MITF: variants seen among roughly 807,000 people sequenced by gnomAD.
The protein encoded by MITF is microphthalmia-associated transcription factor.
In MITF, 17 loss-of-function variants were observed where a neutral mutation model predicts 60.5. The observed-to-expected ratio is 0.28, with a 90% CI of 0.19 to 0.42. The LOEUF is 0.42. MITF is among the 10% of genes least tolerant of loss of function. MITF has a pLI of 1.00. For synonymous variants in MITF, 260 were observed against 248.5 expected (o/e 1.05, Z -0.43); for missense variants, 622 against 683.5 (o/e 0.91, Z 1.00).
At chr3:69,836,248 A>G (rs2063538936) in intron 1 of MITF, among the ~76,000 whole-genome samples, 2 of 152,148 alleles carry the variant, frequency 1.3e-5, no homozygotes, top group Admixed American at 6.5e-5. Flanking sequence ...AAATGGAATT[A>G]TCTTCTTGAT....
At chr3:69,847,312 G>A (rs573534605) in intron 1 of MITF, among the ~76,000 whole-genome samples, 2 of 152,214 alleles carry the variant, frequency 1.3e-5, no homozygotes, top group Non-Finnish European at 2.9e-5. Flanking sequence ...TCGGAAGACA[G>A]TGTTGGAGTC....
chr3:69,775,455 A>C (rs1005742448), intron 1 of MITF, among the ~76,000 whole-genome samples: 1 of 152,190 alleles, frequency 6.6e-6, no homozygotes, highest in Non-Finnish European at 1.5e-5. Flanking sequence ...AACATCACCA[A>C]GTCTGTGGCC....
At chr3:69,949,250 C>A in intron 6 of MITF, 82 bp downstream of exon 6, 1 of 1,024,344 alleles carries the variant, frequency 9.8e-7, no homozygotes. Flanking sequence ...TAGTGATGTG[C>A]AAACTATATC....
intron 2 of MITF, among the ~76,000 whole-genome samples, chr3:69,905,769 A>G (rs552090994): frequency 1.5e-4 from 23 of 152,066 alleles, no homozygotes; most frequent in Non-Finnish European, 3.1e-4. Context: ...GCATCTTCTC[A>G]TGGGCTTATT....
intron 1 of MITF, among the ~76,000 whole-genome samples, chr3:69,852,223 A>T (rs1251387441): frequency 6.6e-6 from 1 of 152,190 alleles, no homozygotes; most frequent in African/African-American, 2.4e-5. Context: ...TTCCCACAGA[A>T]AAGTATACAC....
At chr3:69,880,509 A>G (rs1365688114) in intron 2 of MITF, among the ~76,000 whole-genome samples, 1 of 152,166 alleles carries the variant, frequency 6.6e-6, no homozygotes. Flanking sequence ...CAAATAGTTT[A>G]GCATAAAGTT....
chr3:69,794,344 G>A (rs745607650), intron 1 of MITF, among the ~76,000 whole-genome samples: 17 of 152,202 alleles, frequency 1.1e-4, no homozygotes, highest in Non-Finnish European at 1.8e-4. Flanking sequence ...CCCTTCATCA[G>A]AAATGTGACC....
chr3:69,820,939 G>C (rs780662127), intron 1 of MITF, among the ~76,000 whole-genome samples: 1 of 152,106 alleles, frequency 6.6e-6, no homozygotes, highest in South Asian at 2.1e-4. Flanking sequence ...GTATGTGTCT[G>C]TGTGTGTGTT....
chr3:69,916,354 T>G (rs2065334509), intron 2 of MITF, among the ~76,000 whole-genome samples: 1 of 152,166 alleles, frequency 6.6e-6, no homozygotes, highest in Non-Finnish European at 1.5e-5. Flanking sequence ...CATCTAAAGC[T>G]TTGGCATCTG....
At chr3:69,754,736 T>C (rs1339664650) in intron 1 of MITF, among the ~76,000 whole-genome samples, 1 of 152,008 alleles carries the variant, frequency 6.6e-6, no homozygotes, top group Non-Finnish European at 1.5e-5. Flanking sequence ...TAATATGATC[T>C]AAGTGATAGG....
intron 5 of MITF, among the ~76,000 whole-genome samples, chr3:69,944,184 A>G (rs2066037769): frequency 6.6e-6 from 1 of 152,144 alleles, no homozygotes; most frequent in Non-Finnish European, 1.5e-5. Context: ...TTCCTTCATT[A>G]TCTCGTTGTT....
At chr3:69,953,647 G>A (rs370707639) in intron 7 of MITF, among the ~76,000 whole-genome samples, 3,534 of 140,672 alleles carry the variant, frequency 0.025, 124 homozygotes, top group African/African-American at 0.078. Context: ...ATATATGTAT[G>A]TATATATATA....
chr3:69,759,899 T>G (rs2062186300), intron 1 of MITF, among the ~76,000 whole-genome samples: 1 of 152,128 alleles, frequency 6.6e-6, no homozygotes, highest in Non-Finnish European at 1.5e-5. Context: ...TGCCTCAGCC[T>G]CCCAAGTAGC....
intron 2 of MITF, among the ~76,000 whole-genome samples, chr3:69,908,761 G>A (rs1207613800): frequency 2.0e-5 from 3 of 152,118 alleles, no homozygotes; most frequent in Non-Finnish European, 4.4e-5. Flanking sequence ...TTCCACTTAG[G>A]ATTTTTGTTC....
intron 1 of MITF, among the ~76,000 whole-genome samples, chr3:69,841,865 G>C (rs1404835600): frequency 6.6e-6 from 1 of 152,026 alleles, no homozygotes; most frequent in Non-Finnish European, 1.5e-5. Context: ...AAGACTGAAA[G>C]GAAAAATATC....
rs1028159159 is a variant in MITF, at chr3:69,936,739, A to G, written c.355-1083A>G. ...AACATTGTTATGCTGGAAATGCTAG[A>G]ATATAATCACTATCAGGTGAGATTT... is the stretch of plus-strand genomic sequence containing the variant. On this transcript the variant is annotated intron_variant, in intron 2 of 9. Coordinates refer to ENST00000352241, the MANE Select transcript of MITF (RefSeq NM_001354604.2). The G allele has an allele frequency of 1.1e-5, 17 of 1,613,670 alleles. No homozygotes were observed. The highest frequency in any genetic ancestry group is 1.3e-5 in the Non-Finnish European group (15 of 1,179,722).
intron 1 of MITF, among the ~76,000 whole-genome samples, chr3:69,740,305 A>G (rs891647576): frequency 3.3e-5 from 5 of 152,152 alleles, no homozygotes; most frequent in African/African-American, 7.2e-5. Flanking sequence ...GGGAGGGGCC[A>G]GGGCAGCGGT....
intron 2 of MITF, among the ~76,000 whole-genome samples, chr3:69,885,666 T>C (rs932988119): frequency 1.3e-5 from 2 of 152,104 alleles, no homozygotes; most frequent in East Asian, 3.9e-4. Flanking sequence ...TAAAATTTTA[T>C]GGTGATGGGG....
At chr3:69,748,995 C>T (rs1164724799) in intron 1 of MITF, among the ~76,000 whole-genome samples, 2 of 152,136 alleles carry the variant, frequency 1.3e-5, no homozygotes, top group Non-Finnish European at 2.9e-5. Context: ...ATAAAATATT[C>T]CTAAATACTA....
Sources: gnomAD v4.1 joint callset for allele counts (sites outside exome capture counted in the v4.1 genomes callset) on GRCh38, gnomAD v4.1.1 for gene constraint, MANE v1.5 for transcripts, NCBI Gene and HGNC (gene_info 2026-07-23, HGNC 2026-07-21) for gene names.